The following SYK variants were observed in gnomAD, a reference collection of about 807,000 sequenced individuals.
The protein encoded by SYK is spleen associated tyrosine kinase.
A neutral mutation model predicts 77.8 loss-of-function variants in SYK; 16 were observed. The ratio of observed to expected loss-of-function variants is 0.21; its 90% CI spans 0.14 to 0.31. The LOEUF (loss-of-function observed/expected upper bound fraction) is 0.31, where lower values mean the gene tolerates loss of function less well. Ranked by LOEUF, SYK falls within the 10% of genes least tolerant of loss-of-function variation. The pLI, the probability that SYK is intolerant of heterozygous loss-of-function variation, is 1.00. For missense variants in SYK, 529 were observed against 814.4 expected, an observed-to-expected ratio of 0.65 and a Z score of 4.26; for synonymous variants, 312 against 308.7, an observed-to-expected ratio of 1.01 and a Z score of -0.11.
intron 11 of SYK, among the ~76,000 whole-genome samples, chr9:90,881,333 G>C (rs2118906484): frequency 6.6e-6 from 1 of 152,304 alleles, no homozygotes; most frequent in East Asian, 1.9e-4. Flanking sequence ...CTACCGAAAA[G>C]ATAGGGTAGT....
intron 1 of SYK, among the ~76,000 whole-genome samples, chr9:90,830,785 C>A (rs1254510094): frequency 6.6e-6 from 1 of 152,024 alleles, no homozygotes. Context: ...CGGGGTTTCA[C>A]CCTGTTAGCC....
At position 90,877,621 on chromosome 9, in the gene SYK, C is replaced by G. The variant is rs551292916; in HGVS notation, c.1232C>G (p.Pro411Arg). The change falls in exon 10 of 14, where the codon CCC becomes CGC. Residue 411 changes from proline (P) to arginine (R), a missense_variant. Around this residue, in one of 2 missense-constraint regions of SYK, gnomAD observed 208 missense variants for 381.3 expected, o/e 0.55. Transcript: ENST00000375754. Reference protein sequence around the residue: ...VKILKNEANDPALKDELLAEA... With the variant: ...VKILKNEANDRALKDELLAEA... The stretch of plus-strand genomic sequence containing the variant: ...ATACTGAAAAACGAGGCCAATGACC[C>G]CGCTCTTAAAGATGAGTTATTAGCA... The G allele has an allele frequency of 1.2e-6, 2 of 1,614,206 alleles. No individual in the cohort carries two copies. Among genetic ancestry groups the G allele is most frequent in the East Asian group, 4.5e-5 (2 of 44,890 alleles).
chr9:90,846,335 C>G (rs1017290143), intron 3 of SYK, among the ~76,000 whole-genome samples: 2 of 152,284 alleles, frequency 1.3e-5, no homozygotes, highest in East Asian at 3.9e-4. Context: ...CTCAGTGTCC[C>G]TACAGAGATG....
chr9:90,883,200 C>T (rs542758693), intron 11 of SYK, among the ~76,000 whole-genome samples: 1 of 152,070 alleles, frequency 6.6e-6, no homozygotes, highest in Non-Finnish European at 1.5e-5. Flanking sequence ...GATCCCCCTG[C>T]TGCTACAGGC....
chr9:90,803,295 G>A (rs576025255), intron 1 of SYK, among the ~76,000 whole-genome samples: 3 of 152,116 alleles, frequency 2.0e-5, no homozygotes, highest in Non-Finnish European at 2.9e-5. Context: ...CTTGATTTGT[G>A]TCTTATCCTC....
At chr9:90,850,763 T>C (rs530608198) in intron 3 of SYK, among the ~76,000 whole-genome samples, 2 of 115,106 alleles carry the variant, frequency 1.7e-5, no homozygotes, top group South Asian at 5.3e-4. Context: ...AGAATTGGAC[T>C]AAAAGGTAAA....
chr9:90,832,367 T>C (rs1226853351), intron 1 of SYK, among the ~76,000 whole-genome samples: 5 of 152,390 alleles, frequency 3.3e-5, no homozygotes, highest in East Asian at 1.9e-4. Context: ...TGATAATAAA[T>C]TAATCAGAAC....
In SYK at chr9:90,897,747, G is replaced by A. The variant is rs201413796; in HGVS notation, c.*2147G>A. On this transcript the variant is annotated 3_prime_UTR_variant, in exon 14 of 14. Coordinates refer to ENST00000375754, the MANE Select transcript of SYK (RefSeq NM_003177.7). The stretch of plus-strand genomic sequence containing the variant: ...GGGCCTCACCTCCCTGCAGAGGTCC[G>A]GCCAGGTCTCCTTGTCCCTGGACAA... 35 of 223,550 alleles carry A rather than the reference G, an allele frequency of 1.6e-4. No individual in the cohort carries two copies. Among genetic ancestry groups the A allele is most frequent in the African/African-American group, 5.6e-4 (25 of 44,786 alleles). 13.8% of individuals were successfully genotyped at this position (223,550 alleles called of 1,614,324 possible).
intron 4 of SYK, among the ~76,000 whole-genome samples, chr9:90,864,096 AGGTAC>A (rs1381698404): frequency 6.6e-6 from 1 of 152,148 alleles, no homozygotes; most frequent in African/African-American, 2.4e-5. Flanking sequence ...CAGCGTTCTA[AGGTAC>A]TTCTGTACCC....
intron 7 of SYK, among the ~76,000 whole-genome samples, chr9:90,868,054 G>T (rs975552397): frequency 6.6e-6 from 1 of 152,074 alleles, no homozygotes; most frequent in African/African-American, 2.4e-5. Flanking sequence ...ATTGCCTAAA[G>T]TATTTACTAG....
At chr9:90,835,024 T>G (rs932489484) in intron 1 of SYK, among the ~76,000 whole-genome samples, 2 of 152,072 alleles carry the variant, frequency 1.3e-5, no homozygotes, top group African/African-American at 2.4e-5. Flanking sequence ...TGGCATCTAG[T>G]GGGGAGAGGC....
chr9:90,812,518 T>C (rs1296752758), intron 1 of SYK, among the ~76,000 whole-genome samples: 5 of 152,156 alleles, frequency 3.3e-5, no homozygotes, highest in Admixed American at 2.0e-4. Context: ...CAGATGTTTC[T>C]TAAAGCCACT....
chr9:90,834,714 T>C (rs1826008648), intron 1 of SYK, among the ~76,000 whole-genome samples: 1 of 152,202 alleles, frequency 6.6e-6, no homozygotes, highest in African/African-American at 2.4e-5. Context: ...CCAACTAAAA[T>C]TTGTAAGCTT....
At position 90,884,816 on chromosome 9, in the gene SYK, CAT is replaced by C. The variant is rs375125239; in HGVS notation, c.1582-2929_1582-2928del. Among the ~76,000 whole-genome samples, 4 of 48,198 alleles carry C rather than the reference CAT, an allele frequency of 8.3e-5. 1 individual carries two copies. The highest frequency in any genetic ancestry group is 7.1e-4 in the Admixed American group (3 of 4,248). The allele number at this position is 48,198 out of a possible 152,430, so 31.6% of individuals were successfully genotyped here. Reference sequence around the variant, plus strand: ...ACATATACACATATGTGTACATACACATATACACATATGTGTGTATATACATA... The same window carrying C: ...ACATATACACATATGTGTACATACACATACACATATGTGTGTATATACATA... On this transcript the variant is annotated intron_variant, in intron 11 of 13. Transcript: ENST00000375754.
rs1349945734 is a variant in SYK, at chr9:90,837,056, G to A, written c.-41-6802G>A. The stretch of plus-strand genomic sequence containing the variant: ...GATACATATAACATGCAAAATATGT[G>A]TTAATCAGTTATTTATGTTATAGGT... On this transcript the variant is annotated intron_variant, in intron 1 of 13. Transcript: ENST00000375754. 1.3e-3 allele frequency among the ~76,000 whole-genome samples: 195 copies of A among 152,154 alleles called. 1 individual carries two copies. The highest frequency in any genetic ancestry group is 4.5e-3 in the African/African-American group (186 of 41,464).
At chr9:90,873,130 C>T (rs1013829107) in intron 7 of SYK, among the ~76,000 whole-genome samples, 1 of 152,132 alleles carries the variant, frequency 6.6e-6, no homozygotes, top group Non-Finnish European at 1.5e-5. Context: ...GCATTGTGAC[C>T]TCATTATTCT....
At position 90,862,189 on chromosome 9, in the gene SYK, T is replaced by G. The variant is rs1352514610; in HGVS notation, c.579-17T>G. 1 of 1,599,078 alleles carries G rather than the reference T, an allele frequency of 6.3e-7. No individual in the cohort carries two copies. Among genetic ancestry groups the G allele is most frequent in the Non-Finnish European group, 8.5e-7 (1 of 1,171,346 alleles). ...CTGGCGGGCCTGGGGATGATGCAGT[T>G]CCATCCTCTCTTCTAGGATCCGAGC... On this transcript the variant is annotated splice_polypyrimidine_tract_variant and intron_variant, in intron 3 of 13. Transcript: ENST00000375754.
chr9:90,820,117 A>G (rs1825454073), intron 1 of SYK, among the ~76,000 whole-genome samples: 1 of 152,130 alleles, frequency 6.6e-6, no homozygotes, highest in African/African-American at 2.4e-5. Flanking sequence ...ATGGTCTTGG[A>G]CAGCTTCATC....
chr9:90,889,544 C>G (rs889618754), intron 13 of SYK, among the ~76,000 whole-genome samples: 4 of 152,234 alleles, frequency 2.6e-5, no homozygotes, highest in African/African-American at 9.6e-5. Flanking sequence ...ACCTCCCCTC[C>G]CCACCCTGGG....
Sources: allele counts gnomAD v4.1 joint callset (sites outside exome capture counted in the v4.1 genomes callset), GRCh38; gene constraint gnomAD v4.1.1; regional missense constraint gnomAD v4.1.1; transcripts MANE v1.5; gene names NCBI Gene and HGNC (gene_info 2026-07-23, HGNC 2026-07-21).